CADM2: variants seen among roughly 807,000 people sequenced by gnomAD.
CADM2 encodes the protein cell adhesion molecule 2.
A neutral mutation model predicts 49.8 loss-of-function variants in CADM2; 12 were observed. The observed-to-expected ratio is 0.24, with a 90% CI of 0.15 to 0.39. The LOEUF is 0.39. CADM2 is among the 10% of genes least tolerant of loss of function. The probability of loss-of-function intolerance (pLI) is 1.00; values close to 1 mark genes in which losing one functional copy is unlikely to be tolerated. For synonymous variants in CADM2, 214 were observed against 175.4 expected (o/e 1.22, Z -1.74); for missense variants, 378 against 492.3 (o/e 0.77, Z 2.20).
In CADM2 at chr3:85,979,143, T is replaced by G. The variant is rs761227386; in HGVS notation, c.970+17496T>G. 4 of 1,604,658 alleles carry G rather than the reference T, an allele frequency of 2.5e-6. No homozygotes were observed. In the South Asian group the frequency reaches 4.4e-5, roughly 18 times the overall value. ...TGTTTGCATGATATGATTTTGTTTA[T>G]ATTTTTTTTCCACTCACCAGATGTT... On this transcript the variant is annotated intron_variant, in intron 8 of 9. Coordinates refer to ENST00000383699, the MANE Select transcript of CADM2 (RefSeq NM_001167675.2).
At chr3:85,477,870 C>T (rs2039043980) in intron 1 of CADM2, among the ~76,000 whole-genome samples, 1 of 151,794 alleles carries the variant, frequency 6.6e-6, no homozygotes, top group African/African-American at 2.4e-5. Context: ...GTAAATAACA[C>T]CAGTGGAGGT....
intron 1 of CADM2, 94 bp downstream of exon 1, chr3:84,959,762 C>A: frequency 8.2e-7 from 1 of 1,220,590 alleles, no homozygotes; most frequent in Non-Finnish European, 1.2e-6. Flanking sequence ...CTCCCAGTCT[C>A]CCTGTCCCCA....
At chr3:85,543,110 T>C (rs2061581627) in intron 1 of CADM2, among the ~76,000 whole-genome samples, 1 of 152,196 alleles carries the variant, frequency 6.6e-6, no homozygotes, top group Non-Finnish European at 1.5e-5. Flanking sequence ...GAAAATTCAT[T>C]CTTTTGAAAG....
chr3:85,658,889 A>G (rs1372181606), intron 1 of CADM2, among the ~76,000 whole-genome samples: 1 of 150,062 alleles, frequency 6.7e-6, no homozygotes, highest in African/African-American at 2.4e-5. Flanking sequence ...TATCTCTACA[A>G]AAACATAAAG....
At chr3:85,912,259 T>G (rs1717715254) in intron 5 of CADM2, 114 bp from the exon 6 acceptor site, 4 of 687,774 alleles carry the variant, frequency 5.8e-6, no homozygotes, top group Admixed American at 3.1e-5. Flanking sequence ...TCACAAATAT[T>G]TGCTTCTTAA....
chr3:85,366,857 T>A (rs1464293700), intron 1 of CADM2, among the ~76,000 whole-genome samples: 2 of 152,094 alleles, frequency 1.3e-5, no homozygotes, highest in Non-Finnish European at 2.9e-5. Context: ...TTTTACCAAA[T>A]AGCATATATA....
At chr3:86,019,790 G>A (rs922340199) in intron 8 of CADM2, among the ~76,000 whole-genome samples, 4,889 of 152,054 alleles carry the variant, frequency 0.032, 152 homozygotes, top group African/African-American at 0.077. Flanking sequence ...TGAGACAATG[G>A]GGTTTTCTAG....
chr3:85,071,067 A>G (rs561316536), intron 1 of CADM2, among the ~76,000 whole-genome samples: 1 of 151,876 alleles, frequency 6.6e-6, no homozygotes, highest in Non-Finnish European at 1.5e-5. Context: ...TTGTATAGTG[A>G]CTAACATAAG....
intron 8 of CADM2, among the ~76,000 whole-genome samples, chr3:85,977,584 T>G (rs1726951012): frequency 6.6e-6 from 1 of 151,638 alleles, no homozygotes; most frequent in Admixed American, 6.6e-5. Context: ...CCAGTCTGCC[T>G]AAACTGTTTA....
chr3:86,044,953 G>T (rs1736463019), intron 8 of CADM2, among the ~76,000 whole-genome samples: 1 of 151,438 alleles, frequency 6.6e-6, no homozygotes. Context: ...GCAAAGTATG[G>T]CAAGGACAAA....
chr3:86,033,105 A>G (rs1426237140), intron 8 of CADM2, among the ~76,000 whole-genome samples: 1 of 151,500 alleles, frequency 6.6e-6, no homozygotes, highest in East Asian at 1.9e-4. Context: ...ATTTATTTTC[A>G]CTCTCAGTTG....
At chr3:85,870,201 A>G (rs2075871749) in intron 3 of CADM2, among the ~76,000 whole-genome samples, 1 of 151,862 alleles carries the variant, frequency 6.6e-6, no homozygotes, top group South Asian at 2.1e-4. Flanking sequence ...ACAAAGATTC[A>G]TTTAGCTTGT....
At chr3:85,929,829 C>T (rs2108524151) in intron 6 of CADM2, among the ~76,000 whole-genome samples, 2 of 152,070 alleles carry the variant, frequency 1.3e-5, no homozygotes, top group South Asian at 4.2e-4. Flanking sequence ...TTATTGATAT[C>T]TTACTAAAAT....
intron 1 of CADM2, among the ~76,000 whole-genome samples, chr3:85,004,254 A>G (rs1404574282): frequency 3.9e-5 from 6 of 152,150 alleles, no homozygotes; most frequent in Non-Finnish European, 1.5e-5. Flanking sequence ...TTGCTGGTTA[A>G]CACATACATA....
At chr3:85,305,859 C>A (rs2044199878) in intron 1 of CADM2, among the ~76,000 whole-genome samples, 1 of 151,560 alleles carries the variant, frequency 6.6e-6, no homozygotes, top group African/African-American at 2.4e-5. Context: ...CACATAAATA[C>A]ATACGGAGCT....
intron 3 of CADM2, chr3:85,805,612 A>C: frequency 6.6e-6 from 1 of 151,382 alleles, no homozygotes; most frequent in African/African-American, 2.5e-5. Context: ...TTTGAAATTG[A>C]AAGCATTTTA....
intron 1 of CADM2, among the ~76,000 whole-genome samples, chr3:85,634,385 ATT>A (rs757304791): frequency 2.8e-4 from 42 of 152,088 alleles, no homozygotes; most frequent in Non-Finnish European, 5.6e-4. Flanking sequence ...CTAGGGACAT[ATT>A]TTTTAATTTT....
intron 3 of CADM2, among the ~76,000 whole-genome samples, chr3:85,848,288 AT>A (rs1272898077): frequency 6.6e-6 from 1 of 152,108 alleles, no homozygotes; most frequent in Non-Finnish European, 1.5e-5. Flanking sequence ...TGGATTCATC[AT>A]ATCTCATCCC....
At chr3:85,395,296 C>CAAAAAAAAAA (rs58315220) in intron 1 of CADM2, among the ~76,000 whole-genome samples, 5 of 75,542 alleles carry the variant, frequency 6.6e-5, no homozygotes, top group Non-Finnish European at 1.1e-4. Context: ...AGACTCCATA[C>CAAAAAAAAAA]AAAAAAAAAA....
Sources: allele counts gnomAD v4.1 joint callset (sites outside exome capture counted in the v4.1 genomes callset), GRCh38; gene constraint gnomAD v4.1.1; transcripts MANE v1.5; gene names NCBI Gene and HGNC (gene_info 2026-07-23, HGNC 2026-07-21).